The following ERBB4 variants were observed in gnomAD, a reference collection of about 807,000 sequenced individuals.
ERBB4 encodes erb-b2 receptor tyrosine kinase 4.
In ERBB4, 42 loss-of-function variants were observed where a neutral mutation model predicts 158.0. The ratio of observed to expected loss-of-function variants is 0.27; its 90% confidence interval spans 0.21 to 0.34. The LOEUF is 0.34. ERBB4 is among the 10% of genes least tolerant of loss of function. The pLI, the probability that ERBB4 is intolerant of heterozygous loss-of-function variation, is 1.00. For synonymous variants in ERBB4, 583 were observed against 558.7 expected (o/e 1.04, Z -0.61); for missense variants, 1,333 against 1,624.1 (o/e 0.82, Z 3.08).
At chr2:211,652,012 G>A (rs2071006608) in intron 16 of ERBB4, among the ~76,000 whole-genome samples, 1 of 151,438 alleles carries the variant, frequency 6.6e-6, no homozygotes, top group South Asian at 2.1e-4. Context: ...CAGTGAGTTT[G>A]AGTATAATAT....
chr2:211,773,711 G>GT (rs1559506618), intron 4 of ERBB4, among the ~76,000 whole-genome samples: 10 of 129,236 alleles, frequency 7.7e-5, no homozygotes, highest in Non-Finnish European at 1.5e-4. Context: ...TTATAGTGAA[G>GT]AATATATATA....
chr2:212,512,812 T>C (rs1366274025), intron 1 of ERBB4, among the ~76,000 whole-genome samples: 1 of 151,998 alleles, frequency 6.6e-6, no homozygotes, highest in Non-Finnish European at 1.5e-5. Context: ...AAGAAAAAAA[T>C]GAAAGAGGAA....
chr2:212,379,288 T>C (rs976581531), intron 1 of ERBB4, among the ~76,000 whole-genome samples: 4 of 151,844 alleles, frequency 2.6e-5, no homozygotes, highest in East Asian at 3.9e-4. Context: ...TAAACAAGAT[T>C]TTCCATTTGC....
chr2:212,252,664 T>A (rs1437095355), intron 1 of ERBB4, among the ~76,000 whole-genome samples: 1 of 152,042 alleles, frequency 6.6e-6, no homozygotes, highest in Non-Finnish European at 1.5e-5. Flanking sequence ...AAAGAAAGTT[T>A]TTAAAATACT....
intron 2 of ERBB4, among the ~76,000 whole-genome samples, chr2:212,101,060 G>T (rs558919355): frequency 2.0e-5 from 3 of 151,946 alleles, no homozygotes; most frequent in Non-Finnish European, 4.4e-5. Flanking sequence ...TTGGTTATAG[G>T]CAAGGGACCA....
intron 2 of ERBB4, among the ~76,000 whole-genome samples, chr2:212,076,000 T>A (rs2078263048): frequency 6.6e-6 from 1 of 151,978 alleles, no homozygotes; most frequent in Admixed American, 6.6e-5. Context: ...ATTTTAATTT[T>A]ATTCTGCCTA....
intron 2 of ERBB4, among the ~76,000 whole-genome samples, chr2:212,100,383 C>A (rs1262450130): frequency 6.6e-6 from 1 of 152,176 alleles, no homozygotes; most frequent in Non-Finnish European, 1.5e-5. Context: ...ATTGTTCTCC[C>A]TTATCACTAT....
chr2:212,336,583 A>T (rs1223623793), intron 1 of ERBB4, among the ~76,000 whole-genome samples: 1 of 152,110 alleles, frequency 6.6e-6, no homozygotes, highest in East Asian at 1.9e-4. Context: ...TTATTTTGAT[A>T]GCCCGAAATC....
At chr2:211,544,380 CATGGGTACCATCA>C (rs1329265691) in intron 20 of ERBB4, among the ~76,000 whole-genome samples, 1 of 151,982 alleles carries the variant, frequency 6.6e-6, no homozygotes, top group Non-Finnish European at 1.5e-5. Flanking sequence ...ATCAATTAGG[CATGGGTACCATCA>C]ATCTGAGTTT....
At chr2:212,119,949 C>T (rs2079695892) in intron 2 of ERBB4, among the ~76,000 whole-genome samples, 1 of 152,122 alleles carries the variant, frequency 6.6e-6, no homozygotes, top group Non-Finnish European at 1.5e-5. Flanking sequence ...CTTGAAATCT[C>T]AGGAGACGTA....
intron 4 of ERBB4, among the ~76,000 whole-genome samples, chr2:211,769,946 T>C (rs1268972258): frequency 1.3e-5 from 2 of 152,164 alleles, no homozygotes; most frequent in African/African-American, 4.8e-5. Context: ...AACACCCTCA[T>C]AGACACAACC....
intron 3 of ERBB4, among the ~76,000 whole-genome samples, chr2:211,939,966 A>AAAAAAAATATATATAT (rs1491239788): frequency 7.3e-6 from 1 of 137,436 alleles, no homozygotes. Flanking sequence ...GGAAAAAAAA[A>AAAAAAAATATATATAT]ATATATATAT....
intron 20 of ERBB4, among the ~76,000 whole-genome samples, chr2:211,519,152 G>C (rs2066122009): frequency 1.3e-5 from 2 of 152,002 alleles, no homozygotes; most frequent in Non-Finnish European, 1.5e-5. Context: ...CAAGCATCTT[G>C]GTGGTAAATG....
chr2:212,335,294 TAAC>T (rs1317667332), intron 1 of ERBB4, among the ~76,000 whole-genome samples: 2 of 151,976 alleles, frequency 1.3e-5, no homozygotes, highest in Non-Finnish European at 2.9e-5. Flanking sequence ...AGATTCATCT[TAAC>T]AATACAAAAT....
At chr2:212,517,513 T>C (rs187339482) in intron 1 of ERBB4, among the ~76,000 whole-genome samples, 1 of 152,214 alleles carries the variant, frequency 6.6e-6, no homozygotes, top group Admixed American at 6.5e-5. Flanking sequence ...CAAGGGTTAT[T>C]TGCAATGTGT....
intron 1 of ERBB4, among the ~76,000 whole-genome samples, chr2:212,371,862 AAG>A (rs879897984): frequency 6.6e-6 from 1 of 152,178 alleles, no homozygotes; most frequent in African/African-American, 2.4e-5. Flanking sequence ...GAAAGTGATG[AAG>A]AGTTACATAG....
intron 5 of ERBB4, among the ~76,000 whole-genome samples, chr2:211,741,435 A>G (rs2074791819): frequency 7.1e-6 from 1 of 140,724 alleles, no homozygotes; most frequent in Non-Finnish European, 1.5e-5. Context: ...TATAATCTAT[A>G]ACTATATATG....
chr2:212,377,596 G>T (rs928055869), intron 1 of ERBB4, among the ~76,000 whole-genome samples: 2 of 151,882 alleles, frequency 1.3e-5, no homozygotes, highest in African/African-American at 4.8e-5. Flanking sequence ...CTGTCTAGGG[G>T]ACCTACCTTG....
rs1171073487 is a variant in ERBB4 at position 212,344,474 on chromosome 2, ATATGTG to A, written c.82+193969_82+193974del. ...AGCTACCATATATATGTGTGTGTATATATGTGTGTGTGTGTGTGTGTGTATATGTGT... is the reference window on the plus strand; with the variant it reads ...AGCTACCATATATATGTGTGTGTATATGTGTGTGTGTGTGTGTATATGTGT... On this transcript the variant is annotated intron_variant, in intron 1 of 27. Transcript: ENST00000342788. 2.5e-3 allele frequency among the ~76,000 whole-genome samples: 353 copies of A among 143,266 alleles called. 2 individuals carry two copies. The highest frequency in any genetic ancestry group is 8.8e-3 in the African/African-American group (320 of 36,442). 94.0% of individuals were successfully genotyped at this position (143,266 alleles called of 152,430 possible). A position where few individuals can be genotyped will look rare whatever the true frequency, so the allele number is the denominator to read the frequency against.
Sources: gnomAD v4.1 joint callset for allele counts (sites outside exome capture counted in the v4.1 genomes callset) on GRCh38, gnomAD v4.1.1 for gene constraint, MANE v1.5 for transcripts, NCBI Gene and HGNC (gene_info 2026-07-23, HGNC 2026-07-21) for gene names.